The following FBXO17 variants were observed in gnomAD, a reference collection of about 807,000 sequenced individuals.
FBXO17 encodes F-box protein 17, also known as F-box only protein 17.
In FBXO17, 43 loss-of-function variants were observed where a neutral mutation model predicts 34.1. The observed-to-expected ratio is 1.26, with a 90% CI of 0.99 to 1.62. The LOEUF is 1.62. Among genes scored for constraint, FBXO17 ranks in the 40% most tolerant of loss-of-function variants. FBXO17 has a pLI of 0.00. For missense variants in FBXO17, 424 were observed against 386.7 expected (o/e 1.10, Z -0.81); for synonymous variants, 169 against 166.0 (o/e 1.02, Z -0.14).
At chr19:38,963,297 C>CCTT (rs397977753) in intron 1 of FBXO17, among the ~76,000 whole-genome samples, 23 of 75,916 alleles carry the variant, frequency 3.0e-4, no homozygotes, top group African/African-American at 2.5e-4. Context: ...TTCACTCATA[C>CCTT]TTTTTTTTTT....
In FBXO17 at chr19:38,948,573, G is replaced by C. The variant is rs149601268; in HGVS notation, c.455C>G (p.Ser152Cys). Residue 152 changes from serine to cysteine, a missense_variant, in exon 3 of 6, where the codon TCT (serine) becomes TGT (cysteine). Physicochemically the swap from Ser to Cys is moderately radical, Grantham distance 112. Coordinates refer to ENST00000292852, the MANE Select transcript of FBXO17 (RefSeq NM_024907.7). ...TCTCACTTGGGCCACTCACTCGAAA[G>C]AGGTCACGAAGCAGGTCTGCGAAGG... ...GAPSQTCFVTSFEWCSKRQLV... is the reference protein window; with the variant it reads ...GAPSQTCFVTCFEWCSKRQLV... 5.6e-5 allele frequency: 91 copies of C among 1,613,656 alleles called. No homozygotes were observed. The highest frequency in any genetic ancestry group is 7.6e-5 in the Non-Finnish European group (90 of 1,179,776).
At chr19:38,957,534 C>T (rs1009799876) in intron 1 of FBXO17, among the ~76,000 whole-genome samples, 1 of 152,230 alleles carries the variant, frequency 6.6e-6, no homozygotes, top group Non-Finnish European at 1.5e-5. Flanking sequence ...TTAGTAGAGA[C>T]AGGGTTTCAC....
chr19:38,968,942 A>C (rs913108881), intron 1 of FBXO17, among the ~76,000 whole-genome samples: 2 of 152,150 alleles, frequency 1.3e-5, no homozygotes, highest in African/African-American at 4.8e-5. Context: ...GGGGTGATGA[A>C]CATGCTTTGT....
Position 38,971,731 on chromosome 19 carries a change from G to C in FBXO17, c.-18+3855C>G, listed in dbSNP as rs1975393428. On this transcript the variant is annotated intron_variant, in intron 1 of 5. Transcript: ENST00000292852. Reference sequence around the variant, plus strand: ...GAGCCCAGGAAGTTGAGGCTGCAGTGAGCCAAGACTGTGCCACTGCACTCC... The same window carrying C: ...GAGCCCAGGAAGTTGAGGCTGCAGTCAGCCAAGACTGTGCCACTGCACTCC... Among the ~76,000 whole-genome samples, 6 of 151,568 alleles carry C rather than the reference G, an allele frequency of 4.0e-5. No homozygotes were observed. The South Asian group carries it at 1.3e-3, about 32-fold the overall frequency.
chr19:38,946,399 G>C, intron 4 of FBXO17, 73 bp downstream of exon 4: 1 of 1,602,026 alleles, frequency 6.2e-7, no homozygotes, highest in South Asian at 1.1e-5. Flanking sequence ...GATGGGGCGG[G>C]AAATGAGCCC....
At chr19:38,946,328 T>A (rs1468530829) in intron 4 of FBXO17, 144 bp downstream of exon 4, 1 of 1,353,924 alleles carries the variant, frequency 7.4e-7, no homozygotes, top group Admixed American at 2.4e-5. Flanking sequence ...CGGCTCTGCA[T>A]CACTTCCCCT....
At position 38,946,502 on chromosome 19, in the gene FBXO17, C is replaced by A. The variant is rs1434041588; in HGVS notation, c.527G>T (p.Ser176Ile). 3.7e-6 allele frequency: 6 copies of A among 1,614,046 alleles called. No individual in the cohort carries two copies. The South Asian group carries it at 5.5e-5, about 15-fold the overall frequency. ...MEGVWQELLD[S>I]AQIEICVADW... ...AGCCACACAGATCTCAATCTGGGCGCTGTCCAGCAGCTCCTGCCACACCCC... is the reference window on the plus strand; with the variant it reads ...AGCCACACAGATCTCAATCTGGGCGATGTCCAGCAGCTCCTGCCACACCCC... The change falls in exon 4 of 6, where the codon AGC (serine) becomes ATC (isoleucine). Residue 176 changes from serine (S) to isoleucine (I), a missense_variant. Transcript: ENST00000292852.
intron 1 of FBXO17, among the ~76,000 whole-genome samples, chr19:38,966,266 G>A (rs911850436): frequency 7.5e-5 from 11 of 145,812 alleles, no homozygotes; most frequent in Non-Finnish European, 1.5e-4. Flanking sequence ...CACCATGCCC[G>A]GCCAACATTC....
chr19:38,952,715 C>A lies in FBXO17; in HGVS notation c.-17-2379G>T, dbSNP rs529114919. 747 of 503,270 alleles carry A rather than the reference C, an allele frequency of 1.5e-3. 3 individuals carry two copies. The highest frequency in any genetic ancestry group is 2.1e-3 in the Non-Finnish European group (521 of 249,134). The allele number at this position is 503,270 out of a possible 1,614,324, so 31.2% of individuals were successfully genotyped here. On this transcript the variant is annotated intron_variant, in intron 1 of 5. Coordinates refer to ENST00000292852, the MANE Select transcript of FBXO17 (RefSeq NM_024907.7). The stretch of plus-strand genomic sequence containing the variant: ...CCAGATAGTTCTTCCGCAGCCCCAA[C>A]CTCTCTGTTCCCTGACCTCTCTCTA...
intron 1 of FBXO17, among the ~76,000 whole-genome samples, chr19:38,951,979 C>G (rs1025052192): frequency 6.6e-6 from 1 of 151,100 alleles, no homozygotes; most frequent in African/African-American, 2.4e-5. Flanking sequence ...GAAACCGAGT[C>G]TTACTCTGTT....
chr19:38,943,270 T>TTTTA (rs1180694069), intron 5 of FBXO17, among the ~76,000 whole-genome samples: 6 of 151,874 alleles, frequency 4.0e-5, no homozygotes, highest in East Asian at 1.9e-4. Context: ...AAAACAAACT[T>TTTTA]TTTATTTATT....
At chr19:38,952,453 T>C in intron 1 of FBXO17, 1 of 493,576 alleles carries the variant, frequency 2.0e-6, no homozygotes, top group Non-Finnish European at 4.1e-6. Flanking sequence ...TTGCTCTAAC[T>C]GGAACCCAGC....
intron 1 of FBXO17, among the ~76,000 whole-genome samples, chr19:38,951,719 G>A (rs1270430914): frequency 2.9e-5 from 4 of 140,290 alleles, no homozygotes; most frequent in Admixed American, 7.3e-5. Context: ...GGCCCGTCTC[G>A]GCTCACTGCA....
rs2144802688 is a variant in FBXO17, at chr19:38,941,688, A to C, written c.*920T>G. 6.6e-6 allele frequency: 1 copy of C among 152,348 alleles called. No homozygotes were observed. The highest frequency in any genetic ancestry group is 2.1e-4 in the South Asian group (1 of 4,830). 9.4% of individuals were successfully genotyped at this position (152,348 alleles called of 1,614,324 possible). ...AGCGGTTTTCCGCCCTGGGTGGGCC[A>C]GGTGTTCCTCGCCCTCGTTCCAGTA... On this transcript the variant is annotated 3_prime_UTR_variant, in exon 6 of 6. Transcript: ENST00000292852.
chr19:38,962,564 T>C (rs1193747607), intron 1 of FBXO17, among the ~76,000 whole-genome samples: 2 of 152,152 alleles, frequency 1.3e-5, no homozygotes, highest in South Asian at 2.1e-4. Flanking sequence ...TGCCGCACCA[T>C]AGGGATGCCT....
At chr19:38,948,707 G>T (rs997058747) in intron 2 of FBXO17, 29 bp from the exon 3 acceptor site, 1 of 1,599,752 alleles carries the variant, frequency 6.3e-7, no homozygotes, top group East Asian at 2.2e-5. Context: ...TGAACATATG[G>T]TTCACCTGCC....
At chr19:38,945,305 G>A in intron 4 of FBXO17, 3 of 664,900 alleles carry the variant, frequency 4.5e-6, no homozygotes, top group Non-Finnish European at 7.5e-6. Context: ...GAGGAGCCTG[G>A]GTGGTCCTGG....
intron 1 of FBXO17, among the ~76,000 whole-genome samples, chr19:38,962,713 C>A (rs533799819): frequency 6.7e-6 from 1 of 149,370 alleles, no homozygotes; most frequent in African/African-American, 2.4e-5. Flanking sequence ...TTTCTTTTTT[C>A]TTTTTCTTTC....
chr19:38,962,005 C>G (rs1289819726), intron 1 of FBXO17, among the ~76,000 whole-genome samples: 1 of 151,060 alleles, frequency 6.6e-6, no homozygotes, highest in Non-Finnish European at 1.5e-5. Flanking sequence ...TCTATAATTT[C>G]ACGTAAATGG....
Sources: allele counts gnomAD v4.1 joint callset (sites outside exome capture counted in the v4.1 genomes callset), GRCh38; gene constraint gnomAD v4.1.1; transcripts MANE v1.5; gene names NCBI Gene and HGNC (gene_info 2026-07-23, HGNC 2026-07-21).